EBF1: variants seen among roughly 807,000 people sequenced by gnomAD.
The protein encoded by EBF1 is transcription factor COE1.
A neutral mutation model predicts 68.4 loss-of-function variants in EBF1; 10 were observed. That is an observed-to-expected ratio of 0.15 (90% CI 0.09 to 0.25). The LOEUF is 0.25. Ranked by LOEUF, EBF1 falls within the 10% of genes least tolerant of loss-of-function variation. EBF1 has a pLI of 1.00. For synonymous variants in EBF1, 298 were observed against 299.8 expected, an observed-to-expected ratio of 0.99 and a Z score of 0.06; for missense variants, 509 against 794.4, an observed-to-expected ratio of 0.64 and a Z score of 4.32.
At chr5:158,803,218 C>T (rs1330303372) in intron 8 of EBF1, among the ~76,000 whole-genome samples, 1 of 152,046 alleles carries the variant, frequency 6.6e-6, no homozygotes, top group Non-Finnish European at 1.5e-5. Context: ...GCTTTTCTCC[C>T]TTTTATCTCC....
intron 6 of EBF1, among the ~76,000 whole-genome samples, chr5:158,845,343 A>G (rs1791244161): frequency 6.6e-6 from 1 of 152,172 alleles, no homozygotes; most frequent in Non-Finnish European, 1.5e-5. Context: ...TGCAGCTTTC[A>G]CCGTAATTTT....
intron 10 of EBF1, among the ~76,000 whole-genome samples, chr5:158,760,024 T>C (rs1441142457): frequency 6.6e-6 from 1 of 152,176 alleles, no homozygotes; most frequent in Non-Finnish European, 1.5e-5. Context: ...TCTTCGGGAA[T>C]GAAATACAGT....
intron 6 of EBF1, among the ~76,000 whole-genome samples, chr5:159,041,551 A>C (rs1199162941): frequency 2.0e-5 from 3 of 152,240 alleles, no homozygotes; most frequent in African/African-American, 7.2e-5. Context: ...AAGGGATCCC[A>C]GGAATAATGC....
intron 5 of EBF1, among the ~76,000 whole-genome samples, chr5:159,080,893 C>T (rs373196743): frequency 6.6e-6 from 1 of 152,202 alleles, no homozygotes; most frequent in East Asian, 1.9e-4. Context: ...GTGCTGAGTG[C>T]TATGAAAGAA....
chr5:158,854,835 A>C (rs1224642643), intron 6 of EBF1, among the ~76,000 whole-genome samples: 1 of 151,970 alleles, frequency 6.6e-6, no homozygotes, highest in African/African-American at 2.4e-5. Flanking sequence ...CATGGGAATC[A>C]CTCCCATTTT....
intron 6 of EBF1, among the ~76,000 whole-genome samples, chr5:159,067,920 G>T (rs567836201): frequency 6.6e-6 from 1 of 152,252 alleles, no homozygotes; most frequent in East Asian, 1.9e-4. Flanking sequence ...TTTAGAGAGT[G>T]AATTCCTCCT....
chr5:158,902,847 TG>T (rs963694760), intron 6 of EBF1, among the ~76,000 whole-genome samples: 110 of 152,122 alleles, frequency 7.2e-4, no homozygotes, highest in African/African-American at 2.5e-3. Context: ...GGGTTCTAAC[TG>T]GGGGTGTCCA....
At chr5:158,998,892 G>A (rs890239252) in intron 6 of EBF1, among the ~76,000 whole-genome samples, 11 of 151,964 alleles carry the variant, frequency 7.2e-5, no homozygotes, top group Non-Finnish European at 1.6e-4. Flanking sequence ...GTGCCGGATC[G>A]CGATGTATAT....
intron 6 of EBF1, among the ~76,000 whole-genome samples, chr5:159,057,191 C>T (rs893992643): frequency 6.0e-5 from 9 of 150,648 alleles, no homozygotes; most frequent in African/African-American, 2.0e-4. Context: ...ACTGCAACCT[C>T]CGCCTCCTGG....
At chr5:158,796,302 A>T in intron 9 of EBF1, 43 bp downstream of exon 9, 1 of 1,570,744 alleles carries the variant, frequency 6.4e-7, no homozygotes, top group Non-Finnish European at 8.7e-7. Context: ...AGTATCTTCA[A>T]CTAGATCAAG....
intron 8 of EBF1, among the ~76,000 whole-genome samples, chr5:158,816,205 G>A (rs1783705030): frequency 6.6e-6 from 1 of 152,248 alleles, no homozygotes. Context: ...GCCCTTGAAT[G>A]TACATTTCTG....
Position 159,042,860 on chromosome 5 carries a change from T to TAA in EBF1, c.554+30534_554+30535dup, listed in dbSNP as rs35868531. Among the ~76,000 whole-genome samples the TAA allele has an allele frequency of 4.4e-3, 644 of 147,958 alleles. No homozygotes were observed. In the Middle Eastern group the frequency reaches 0.056, roughly 13 times the overall value. ...ATTTTTATTTACCAAACATTCACAGTAAAAAAAAAAAAATAAAAAAGTTAA... is the reference window on the plus strand; with the variant it reads ...ATTTTTATTTACCAAACATTCACAGTAAAAAAAAAAAAAAATAAAAAAGTTAA... On this transcript the variant is annotated intron_variant, in intron 6 of 15. Coordinates refer to ENST00000313708, the MANE Select transcript of EBF1 (RefSeq NM_024007.5).
At chr5:159,061,573 GCT>G (rs1775837797) in intron 6 of EBF1, among the ~76,000 whole-genome samples, 1 of 152,212 alleles carries the variant, frequency 6.6e-6, no homozygotes, top group Non-Finnish European at 1.5e-5. Context: ...AGTTGAAACA[GCT>G]CTGTTTTCTT....
chr5:159,093,572 C>A (rs1584567208), intron 4 of EBF1, among the ~76,000 whole-genome samples: 1 of 152,000 alleles, frequency 6.6e-6, no homozygotes, highest in East Asian at 1.9e-4. Flanking sequence ...TCAAAGAATG[C>A]CTTAAGCTGC....
At chr5:158,836,854 C>T (rs1788926724) in intron 7 of EBF1, among the ~76,000 whole-genome samples, 1 of 152,192 alleles carries the variant, frequency 6.6e-6, no homozygotes, top group South Asian at 2.1e-4. Context: ...TCATCCTTAA[C>T]TCAAAAACTG....
At chr5:158,785,204 C>T (rs1016443216) in intron 9 of EBF1, among the ~76,000 whole-genome samples, 13 of 152,040 alleles carry the variant, frequency 8.6e-5, no homozygotes, top group South Asian at 2.1e-4. Flanking sequence ...AATCAAACTA[C>T]GGATTTTTAA....
At chr5:158,942,987 G>C (rs116443508) in intron 6 of EBF1, among the ~76,000 whole-genome samples, 1 of 123,100 alleles carries the variant, frequency 8.1e-6, no homozygotes, top group Non-Finnish European at 1.7e-5. Flanking sequence ...AGGAGGAAGA[G>C]AGGAAGGGAG....
At chr5:158,716,909 T>C (rs973877740) in intron 11 of EBF1, among the ~76,000 whole-genome samples, 1 of 152,214 alleles carries the variant, frequency 6.6e-6, no homozygotes, top group Non-Finnish European at 1.5e-5. Context: ...TACTCAATAA[T>C]GGGTTTGGCA....
At chr5:159,070,919 T>A (rs1777680425) in intron 6 of EBF1, among the ~76,000 whole-genome samples, 1 of 152,190 alleles carries the variant, frequency 6.6e-6, no homozygotes, top group African/African-American at 2.4e-5. Flanking sequence ...TAATATAGAA[T>A]CAAATTGGAA....
Sources: allele counts gnomAD v4.1 joint callset (sites outside exome capture counted in the v4.1 genomes callset), GRCh38; gene constraint gnomAD v4.1.1; transcripts MANE v1.5; gene names NCBI Gene and HGNC (gene_info 2026-07-23, HGNC 2026-07-21).